The following WWOX variants were observed in gnomAD, a reference collection of about 807,000 sequenced individuals.
WWOX encodes WW domain containing oxidoreductase, also known as WW domain-containing oxidoreductase.
In WWOX, 69 loss-of-function variants were observed where a neutral mutation model predicts 46.2. The ratio of observed to expected loss-of-function variants is 1.49; its 90% CI spans 1.23 to 1.82. The LOEUF is 1.82. Among genes scored for constraint, WWOX ranks in the 40% most tolerant of loss-of-function variants. WWOX has a pLI of 0.00. For synonymous variants in WWOX, 359 were observed against 202.6 expected, an observed-to-expected ratio of 1.77 and a Z score of -6.56; for missense variants, 919 against 542.6, an observed-to-expected ratio of 1.69 and a Z score of -6.89.
intron 8 of WWOX, among the ~76,000 whole-genome samples, chr16:79,050,238 C>A (rs952212412): frequency 2.0e-5 from 3 of 152,116 alleles, no homozygotes; most frequent in Non-Finnish European, 4.4e-5. Flanking sequence ...TGGGGCTTCC[C>A]CCTGTGTCTG....
intron 8 of WWOX, among the ~76,000 whole-genome samples, chr16:78,520,049 G>A (rs1048170982): frequency 1.3e-5 from 2 of 152,106 alleles, no homozygotes; most frequent in African/African-American, 4.8e-5. Context: ...TTCCCAGATG[G>A]AACTTATTGA....
At chr16:78,715,314 G>T (rs950932414) in intron 8 of WWOX, among the ~76,000 whole-genome samples, 1 of 152,128 alleles carries the variant, frequency 6.6e-6, no homozygotes, top group African/African-American at 2.4e-5. Context: ...GGTCCAGCCG[G>T]CTCAGCAACT....
chr16:78,933,528 A>T (rs1352478179), intron 8 of WWOX, among the ~76,000 whole-genome samples: 1 of 152,230 alleles, frequency 6.6e-6, no homozygotes, highest in Non-Finnish European at 1.5e-5. Context: ...GATACGTCGG[A>T]GGAGCCAGTG....
intron 8 of WWOX, among the ~76,000 whole-genome samples, chr16:78,583,178 A>G (rs1212727403): frequency 1.3e-5 from 2 of 152,156 alleles, no homozygotes; most frequent in African/African-American, 4.8e-5. Context: ...CAAAGTCTTT[A>G]AAGATGTGTG....
intron 8 of WWOX, among the ~76,000 whole-genome samples, chr16:78,671,891 A>G (rs1017711544): frequency 6.6e-6 from 1 of 152,208 alleles, no homozygotes; most frequent in Admixed American, 6.5e-5. Flanking sequence ...TGAGGTAGAC[A>G]CACAGGCACT....
intron 8 of WWOX, among the ~76,000 whole-genome samples, chr16:78,485,092 C>A (rs565457016): frequency 1.3e-5 from 2 of 151,718 alleles, no homozygotes; most frequent in Non-Finnish European, 1.5e-5. Context: ...GATTCCCAGC[C>A]GGAAAGGAAA....
chr16:78,986,831 G>A (rs540446279), intron 8 of WWOX, among the ~76,000 whole-genome samples: 1 of 152,170 alleles, frequency 6.6e-6, no homozygotes, highest in Admixed American at 6.5e-5. Flanking sequence ...AGAGATTTTT[G>A]GGCATCTTTT....
At chr16:78,492,975 A>G (rs1221128182) in intron 8 of WWOX, among the ~76,000 whole-genome samples, 1 of 152,144 alleles carries the variant, frequency 6.6e-6, no homozygotes, top group Non-Finnish European at 1.5e-5. Context: ...GTCATTACTA[A>G]TCATCTCTAG....
intron 8 of WWOX, among the ~76,000 whole-genome samples, chr16:78,972,142 G>T (rs1177064196): frequency 1.3e-5 from 2 of 152,164 alleles, no homozygotes; most frequent in Non-Finnish European, 2.9e-5. Context: ...AGGAAGCTTG[G>T]GGCAGGTGGC....
intron 8 of WWOX, among the ~76,000 whole-genome samples, chr16:78,669,176 CA>C (rs915455524): frequency 6.6e-6 from 1 of 152,136 alleles, no homozygotes; most frequent in African/African-American, 2.4e-5. Context: ...AACCGGAAGA[CA>C]AAAAACTTCC....
intron 5 of WWOX, among the ~76,000 whole-genome samples, chr16:78,205,757 A>G (rs928667231): frequency 6.6e-6 from 1 of 151,354 alleles, no homozygotes; most frequent in Non-Finnish European, 1.5e-5. Context: ...CCATCTATTC[A>G]TCTACCCACC....
chr16:78,975,308 A>G (rs2046549383), intron 8 of WWOX, among the ~76,000 whole-genome samples: 1 of 152,130 alleles, frequency 6.6e-6, no homozygotes, highest in South Asian at 2.1e-4. Flanking sequence ...GGATGAGGTA[A>G]TAGTGTGCTC....
chr16:78,300,362 G>A (rs72792306), intron 5 of WWOX, among the ~76,000 whole-genome samples: 11,688 of 152,134 alleles, frequency 0.077, 673 homozygotes, highest in Admixed American at 0.17. Flanking sequence ...TTGGCTAGAG[G>A]ATTCCGAAAG....
intron 8 of WWOX, among the ~76,000 whole-genome samples, chr16:78,447,641 A>C (rs974560278): frequency 6.6e-6 from 1 of 152,236 alleles, no homozygotes; most frequent in African/African-American, 2.4e-5. Flanking sequence ...AAGGAAATGC[A>C]AAAGTGGACA....
chr16:78,139,844 G>C (rs920385893), intron 4 of WWOX, among the ~76,000 whole-genome samples: 1 of 152,128 alleles, frequency 6.6e-6, no homozygotes, highest in Non-Finnish European at 1.5e-5. Flanking sequence ...GTGTTTTTTA[G>C]TTAGTCATTA....
chr16:78,356,071 T>TAAAAA lies in WWOX; in HGVS notation c.517-30771_517-30767dup, dbSNP rs61113878. 7.7e-3 allele frequency among the ~76,000 whole-genome samples: 583 copies of TAAAAA among 76,046 alleles called. 31 individuals are homozygous for TAAAAA. Among genetic ancestry groups the TAAAAA allele is most frequent in the African/African-American group, 0.016 (351 of 21,548 alleles). The allele number at this position is 76,046 out of a possible 152,430, so 49.9% of individuals were successfully genotyped here. On this transcript the variant is annotated intron_variant, in intron 5 of 8. Coordinates refer to ENST00000566780, the MANE Select transcript of WWOX (RefSeq NM_016373.4). Reference sequence around the variant, plus strand: ...TATGACCACCAAGATTTTTTTTTCCTAAAAAAAAAAAAAAAAAAAAAAGAA... The same window carrying TAAAAA: ...TATGACCACCAAGATTTTTTTTTCCTAAAAAAAAAAAAAAAAAAAAAAAAAAAGAA...
At chr16:79,035,640 G>A (rs2047851695) in intron 8 of WWOX, among the ~76,000 whole-genome samples, 5 of 152,292 alleles carry the variant, frequency 3.3e-5, no homozygotes, top group Admixed American at 2.0e-4. Context: ...CCGGGTTCAA[G>A]TGATTCTCCT....
chr16:78,100,129 G>A (rs2031663707), intron 1 of WWOX: 6 of 1,339,246 alleles, frequency 4.5e-6, no homozygotes, highest in Non-Finnish European at 4.8e-6. Flanking sequence ...TCAGGATGCA[G>A]CACTGCGCGG....
intron 8 of WWOX, among the ~76,000 whole-genome samples, chr16:78,473,730 A>C (rs1040312263): frequency 6.6e-6 from 1 of 152,070 alleles, no homozygotes; most frequent in South Asian, 2.1e-4. Flanking sequence ...CTTTACTCCC[A>C]GGTCTTTGCA....
Sources: allele counts gnomAD v4.1 joint callset (sites outside exome capture counted in the v4.1 genomes callset), GRCh38; gene constraint gnomAD v4.1.1; transcripts MANE v1.5; gene names NCBI Gene and HGNC (gene_info 2026-07-23, HGNC 2026-07-21).